GAB1: variants seen among roughly 807,000 people sequenced by gnomAD.
GAB1 encodes the protein GRB2-associated-binding protein 1.
A neutral mutation model predicts 66.5 loss-of-function variants in GAB1; 19 were observed. That is an observed-to-expected ratio of 0.29 (90% confidence interval 0.20 to 0.42). GAB1 has a LOEUF of 0.42. Ranked by LOEUF, GAB1 falls within the 10% of genes least tolerant of loss-of-function variation. The pLI is 1.00. For missense variants in GAB1, 732 were observed against 858.5 expected (o/e 0.85, Z 1.84); for synonymous variants, 294 against 301.4 (o/e 0.98, Z 0.25).
intron 1 of GAB1, among the ~76,000 whole-genome samples, chr4:143,398,625 C>T (rs1050062025): frequency 1.2e-4 from 18 of 151,318 alleles, no homozygotes; most frequent in African/African-American, 4.1e-4. Flanking sequence ...GGCCGGCTGT[C>T]TTGAAAATAT....
intron 1 of GAB1, among the ~76,000 whole-genome samples, chr4:143,410,688 T>A (rs955751457): frequency 5.3e-5 from 8 of 152,206 alleles, no homozygotes; most frequent in Middle Eastern, 3.2e-3. Flanking sequence ...TAAAAACAAA[T>A]TAATTTGTTT....
chr4:143,353,068 G>A (rs1729295933), intron 1 of GAB1, among the ~76,000 whole-genome samples: 1 of 152,144 alleles, frequency 6.6e-6, no homozygotes, highest in Non-Finnish European at 1.5e-5. Context: ...AAAAAAGAAT[G>A]TGCATTCCTG....
chr4:143,468,620 C>A (rs1370945186), intron 9 of GAB1, among the ~76,000 whole-genome samples: 4 of 151,638 alleles, frequency 2.6e-5, no homozygotes, highest in Non-Finnish European at 4.4e-5. Flanking sequence ...GTGTATGACC[C>A]AGAAAAATTT....
chr4:143,457,736 C>A, intron 6 of GAB1: 1 of 1,579,270 alleles, frequency 6.3e-7, no homozygotes, highest in Non-Finnish European at 8.6e-7. Flanking sequence ...AACTGATTCA[C>A]AAACCATAGG....
intron 1 of GAB1, among the ~76,000 whole-genome samples, chr4:143,374,105 A>G (rs796359070): frequency 9.9e-5 from 15 of 151,734 alleles, no homozygotes; most frequent in African/African-American, 3.1e-4. Flanking sequence ...TTGTTTTCCA[A>G]GGAGTTTGGT....
chr4:143,365,053 A>G (rs1249674776), intron 1 of GAB1, among the ~76,000 whole-genome samples: 1 of 150,800 alleles, frequency 6.6e-6, no homozygotes, highest in African/African-American at 2.4e-5. Context: ...AATTTTTTGT[A>G]TTTTTAGTAG....
intron 1 of GAB1, among the ~76,000 whole-genome samples, chr4:143,373,862 TAAATAA>T (rs1730273581): frequency 8.5e-5 from 10 of 117,258 alleles, no homozygotes; most frequent in South Asian, 3.0e-4. Context: ...TCTCTGTAAA[TAAATAA>T]ATATATATAT....
At chr4:143,415,379 TA>T in intron 1 of GAB1, 97 bp from the exon 2 acceptor site, 1 of 956,228 alleles carries the variant, frequency 1.0e-6, no homozygotes, top group East Asian at 2.6e-5. Flanking sequence ...TGACTTTCTC[TA>T]AACAATGCAT....
chr4:143,457,641 A>G (rs761425024), intron 6 of GAB1: 2 of 836,924 alleles, frequency 2.4e-6, no homozygotes, highest in South Asian at 2.2e-5. Flanking sequence ...CAATTAATAA[A>G]TAACATTATA....
In GAB1 at chr4:143,423,805, T is replaced by TAC. The variant is rs1302109911; in HGVS notation, c.367+8035_367+8036insCA. Among the ~76,000 whole-genome samples, 20 of 52,998 alleles carry TAC rather than the reference T, an allele frequency of 3.8e-4. 1 individual carries two copies. Among genetic ancestry groups the TAC allele is most frequent in the African/African-American group, 3.4e-3 (20 of 5,938 alleles). The allele number at this position is 52,998 out of a possible 152,430, so 34.8% of individuals were successfully genotyped here. On this transcript the variant is annotated intron_variant, in intron 2 of 9. Transcript: ENST00000262994. ...AAAAAAAAAAGTGTATATATATATA[T>TAC]ATATATATATATATATATATATATA...
At chr4:143,355,247 C>T (rs956154327) in intron 1 of GAB1, among the ~76,000 whole-genome samples, 3 of 152,172 alleles carry the variant, frequency 2.0e-5, no homozygotes, top group Non-Finnish European at 2.9e-5. Flanking sequence ...TAGAACACAG[C>T]TTCCTGATGC....
At position 143,469,425 on chromosome 4, in the gene GAB1, C is replaced by T. The variant is rs1004018985; in HGVS notation, c.*236C>T. The T allele has an allele frequency of 6.7e-6, 3 of 448,924 alleles. No individual in the cohort carries two copies. Among genetic ancestry groups the T allele is most frequent in the South Asian group, 6.6e-5 (2 of 30,194 alleles). 27.8% of individuals were successfully genotyped at this position (448,924 alleles called of 1,614,324 possible). ...TAGTATTGTTTAGCTCCCAGAGAAA[C>T]ATTTGTTCCACAGTTAACACACTCG... On this transcript the variant is annotated 3_prime_UTR_variant, in exon 10 of 10. Transcript: ENST00000262994.
intron 6 of GAB1, among the ~76,000 whole-genome samples, chr4:143,456,585 C>T (rs546117102): frequency 1.3e-5 from 2 of 152,156 alleles, no homozygotes; most frequent in South Asian, 2.1e-4. Context: ...ACCTTTTAAA[C>T]TCAGGCTGCC....
chr4:143,451,057 G>A (rs1045332557), intron 6 of GAB1, among the ~76,000 whole-genome samples: 7 of 152,116 alleles, frequency 4.6e-5, no homozygotes, highest in Non-Finnish European at 7.4e-5. Context: ...GAAGCTCACC[G>A]TCCAGGACCC....
intron 1 of GAB1, among the ~76,000 whole-genome samples, chr4:143,387,323 A>G (rs551608312): frequency 6.6e-6 from 1 of 152,190 alleles, no homozygotes; most frequent in African/African-American, 2.4e-5. Context: ...TAGAGACAGG[A>G]TTTCTCCATG....
chr4:143,373,816 T>G (rs1341213559), intron 1 of GAB1, among the ~76,000 whole-genome samples: 2 of 135,910 alleles, frequency 1.5e-5, no homozygotes, highest in Non-Finnish European at 3.1e-5. Context: ...GTGATGGGAG[T>G]GAAACCCTCT....
intron 6 of GAB1, among the ~76,000 whole-genome samples, chr4:143,448,003 A>G (rs1459071005): frequency 2.0e-5 from 3 of 152,204 alleles, no homozygotes; most frequent in Admixed American, 6.5e-5. Context: ...ATGAAGCATT[A>G]TTGAATTTTG....
intron 2 of GAB1, among the ~76,000 whole-genome samples, chr4:143,423,792 G>GTGTATATATATA (rs1409168050): frequency 1.0e-4 from 7 of 67,752 alleles, no homozygotes; most frequent in South Asian, 9.1e-4. Flanking sequence ...AAAAAAAAGT[G>GTGTATATATATA]TATATATATA....
Position 143,452,331 on chromosome 4 carries a change from G to A in GAB1, c.1586-7054G>A, listed in dbSNP as rs186676044. Among the ~76,000 whole-genome samples, 379 of 152,264 alleles carry A rather than the reference G, an allele frequency of 2.5e-3. 1 individual carries two copies. Among genetic ancestry groups the A allele is most frequent in the Middle Eastern group, 0.017 (5 of 294 alleles). On this transcript the variant is annotated intron_variant, in intron 6 of 9. Coordinates refer to ENST00000262994, the MANE Select transcript of GAB1 (RefSeq NM_002039.4). ...TTTTGAAGGGCTTTAGCTTTTAAGAGTTTAGAAGTGTCCTCCTCTGTAAGA... is the reference window on the plus strand; with the variant it reads ...TTTTGAAGGGCTTTAGCTTTTAAGAATTTAGAAGTGTCCTCCTCTGTAAGA...
Sources: allele counts gnomAD v4.1 joint callset (sites outside exome capture counted in the v4.1 genomes callset), GRCh38; gene constraint gnomAD v4.1.1; transcripts MANE v1.5; gene names NCBI Gene and HGNC (gene_info 2026-07-23, HGNC 2026-07-21).